The following CSMD2 variants were observed in gnomAD, a reference collection of about 807,000 sequenced individuals.
CSMD2 encodes CUB and sushi domain-containing protein 2.
In CSMD2, 130 loss-of-function variants were observed where a neutral mutation model predicts 398.5. The observed-to-expected ratio is 0.33, with a 90% CI of 0.28 to 0.38. The LOEUF is 0.38. Ranked by LOEUF, CSMD2 falls within the 10% of genes least tolerant of loss-of-function variation. The probability of loss-of-function intolerance (pLI) is 1.00; values close to 1 mark genes in which losing one functional copy is unlikely to be tolerated. For synonymous variants in CSMD2, 1,828 were observed against 1,908.5 expected, an observed-to-expected ratio of 0.96 and a Z score of 1.10; for missense variants, 3,829 against 4,764.9, an observed-to-expected ratio of 0.80 and a Z score of 5.78.
Position 33,623,422 on chromosome 1 carries a change from C to T in CSMD2, c.5670G>A (p.Leu1890=). Residue 1890 remains leucine (L), a synonymous_variant, in exon 36 of 71, where the codon CTG becomes CTA. Coordinates refer to ENST00000373381, the MANE Select transcript of CSMD2 (RefSeq NM_001281956.2). ...SFVTEQNWDS[L]EVFDGADNTV... ...TGTTATCTGCACCATCAAATACTTC[C>T]AGCGAGTCCCAGTTCTGCTCTGTCA... 6.2e-7 allele frequency: 1 copy of T among 1,614,184 alleles called. No homozygotes were observed. Among genetic ancestry groups the T allele is most frequent in the Non-Finnish European group, 8.5e-7 (1 of 1,180,028 alleles).
At chr1:34,003,473 G>A (rs766041090) in intron 3 of CSMD2, among the ~76,000 whole-genome samples, 3 of 152,082 alleles carry the variant, frequency 2.0e-5, no homozygotes, top group Non-Finnish European at 2.9e-5. Flanking sequence ...GACTGCAGGC[G>A]CTGAGGGATG....
Position 33,552,502 on chromosome 1 carries a change from T to C in CSMD2, c.8744-2152A>G, listed in dbSNP as rs115277139. Among the ~76,000 whole-genome samples the C allele has an allele frequency of 5.9e-3, 902 of 152,290 alleles. 3 individuals are homozygous for C. Among genetic ancestry groups the C allele is most frequent in the Middle Eastern group, 0.01 (3 of 292 alleles). ...TAATAGCTAAAAAATGGAAACATAA[T>C]AGTCCCAAAGTGGAAATGTTCATAA... On this transcript the variant is annotated intron_variant, in intron 55 of 70. Transcript: ENST00000373381.
intron 2 of CSMD2, among the ~76,000 whole-genome samples, chr1:34,076,002 T>A (rs1182919231): frequency 6.6e-6 from 1 of 152,222 alleles, no homozygotes; most frequent in Non-Finnish European, 1.5e-5. Context: ...AAATTTAATT[T>A]GAAGCAGCCA....
chr1:34,059,706 G>A (rs1477060391), intron 2 of CSMD2, among the ~76,000 whole-genome samples: 1 of 138,940 alleles, frequency 7.2e-6, no homozygotes, highest in East Asian at 2.1e-4. Context: ...TAACTATGTG[G>A]GGAATGAATA....
intron 7 of CSMD2, among the ~76,000 whole-genome samples, chr1:33,825,422 G>T (rs568911161): frequency 6.6e-6 from 1 of 152,236 alleles, no homozygotes; most frequent in East Asian, 1.9e-4. Context: ...GAGAAATGTA[G>T]CAGTAATGAC....
chr1:33,742,860 C>A (rs1647126805), intron 14 of CSMD2, among the ~76,000 whole-genome samples: 1 of 152,172 alleles, frequency 6.6e-6, no homozygotes, highest in South Asian at 2.1e-4. Flanking sequence ...ACTCAGAGGT[C>A]AGCAGCAGGC....
intron 5 of CSMD2, among the ~76,000 whole-genome samples, chr1:33,888,620 T>C (rs1398632285): frequency 6.6e-6 from 1 of 152,142 alleles, no homozygotes; most frequent in Non-Finnish European, 1.5e-5. Context: ...AATAGCTAAA[T>C]GTAAAATATA....
chr1:33,860,391 G>A (rs1442232019), intron 5 of CSMD2: 1 of 152,160 alleles, frequency 6.6e-6, no homozygotes, highest in African/African-American at 2.4e-5. Flanking sequence ...GCGGTGAGAT[G>A]CTGTTATTAT....
At chr1:33,707,691 GCGCGCACACA>G (rs1210787962) in intron 22 of CSMD2, among the ~76,000 whole-genome samples, 2,804 of 56,858 alleles carry the variant, frequency 0.049, 54 homozygotes, top group East Asian at 0.056. Context: ...ACACGCGCGC[GCGCGCACACA>G]CACACACACA....
At chr1:34,131,209 A>G (rs1329196120) in intron 1 of CSMD2, among the ~76,000 whole-genome samples, 1 of 152,110 alleles carries the variant, frequency 6.6e-6, no homozygotes, top group African/African-American at 2.4e-5. Flanking sequence ...AGGGGCTATT[A>G]TAACCCCACT....
At chr1:34,111,983 TCTCTCTCTCTCTC>T (rs1661131005) in intron 1 of CSMD2, among the ~76,000 whole-genome samples, 1 of 620 alleles carries the variant, frequency 1.6e-3, no homozygotes, top group Non-Finnish European at 0.015. Flanking sequence ...TCTTTCAAAT[TCTCTCTCTCTCTC>T]TCTCTCTCTC....
intron 5 of CSMD2, among the ~76,000 whole-genome samples, chr1:33,914,566 G>T (rs1307607637): frequency 6.6e-6 from 1 of 152,172 alleles, no homozygotes; most frequent in Non-Finnish European, 1.5e-5. Context: ...GGGGGAGTAA[G>T]TCTAAAATAC....
intron 1 of CSMD2, among the ~76,000 whole-genome samples, chr1:34,156,364 C>T (rs1358992462): frequency 1.3e-5 from 2 of 152,126 alleles, no homozygotes; most frequent in East Asian, 1.9e-4. Flanking sequence ...AGGCCTGAGT[C>T]GACTCTACCA....
chr1:34,002,847 A>C (rs1194708063), intron 3 of CSMD2, among the ~76,000 whole-genome samples: 1 of 152,248 alleles, frequency 6.6e-6, no homozygotes, highest in Non-Finnish European at 1.5e-5. Flanking sequence ...AATTAAAAAA[A>C]AAATTTAAAG....
chr1:33,719,112 C>T (rs1161069902), intron 19 of CSMD2, among the ~76,000 whole-genome samples: 2 of 152,188 alleles, frequency 1.3e-5, no homozygotes, highest in South Asian at 4.1e-4. Context: ...GTTGGGAAGG[C>T]TTCACGGGGG....
At chr1:33,802,001 G>A (rs1256123004) in intron 10 of CSMD2, among the ~76,000 whole-genome samples, 3 of 152,178 alleles carry the variant, frequency 2.0e-5, no homozygotes, top group Non-Finnish European at 4.4e-5. Context: ...ACCTACCCTA[G>A]ACCCACTGAA....
At chr1:33,525,165 T>G in intron 65 of CSMD2, 122 bp from the exon 66 acceptor site, 1 of 1,044,654 alleles carries the variant, frequency 9.6e-7, no homozygotes, top group Non-Finnish European at 1.4e-6. Context: ...GTCTACCATG[T>G]GAGGAAGGTG....
intron 3 of CSMD2, among the ~76,000 whole-genome samples, chr1:33,972,410 C>T (rs1645804471): frequency 6.6e-6 from 1 of 152,138 alleles, no homozygotes; most frequent in Admixed American, 6.5e-5. Flanking sequence ...CCCTGATTTC[C>T]AGAACATGGA....
intron 3 of CSMD2, among the ~76,000 whole-genome samples, chr1:34,001,459 T>G (rs1646899173): frequency 6.6e-6 from 1 of 152,132 alleles, no homozygotes; most frequent in South Asian, 2.1e-4. Flanking sequence ...GAGAAATAAG[T>G]CTGGTTGGCC....
Sources: allele counts gnomAD v4.1 joint callset (sites outside exome capture counted in the v4.1 genomes callset), GRCh38; gene constraint gnomAD v4.1.1; transcripts MANE v1.5; gene names NCBI Gene and HGNC (gene_info 2026-07-23, HGNC 2026-07-21).